Variants in GPD2 observed in about 807,000 individuals in gnomAD.
The protein encoded by GPD2 is glycerol-3-phosphate dehydrogenase, mitochondrial.
In GPD2, 54 loss-of-function variants were observed where a neutral mutation model predicts 82.4. The ratio of observed to expected loss-of-function variants is 0.66; its 90% confidence interval spans 0.53 to 0.82. GPD2 has a LOEUF of 0.82. Ranked by LOEUF, GPD2 falls within the 40% of genes least tolerant of loss-of-function variation. The probability of loss-of-function intolerance (pLI) is 0.00; values close to 1 mark genes in which losing one functional copy is unlikely to be tolerated. For synonymous variants in GPD2, 288 were observed against 306.1 expected (o/e 0.94, Z 0.62); for missense variants, 748 against 896.2 (o/e 0.83, Z 2.11).
rs529395719 is a variant in GPD2 at position 156,585,985 on chromosome 2, G to T, written c.*3067G>T. On this transcript the variant is annotated 3_prime_UTR_variant, in exon 17 of 17. Transcript: ENST00000438166. Reference sequence around the variant, plus strand: ...TGTTAAATACTATGTTTGAGGCTGGGTTGTCATTTTTATAACTGTCTTGGT... The same window carrying T: ...TGTTAAATACTATGTTTGAGGCTGGTTTGTCATTTTTATAACTGTCTTGGT... The T allele has an allele frequency of 5.9e-4, 90 of 152,258 alleles. No individual in the cohort carries two copies. Among genetic ancestry groups the T allele is most frequent in the Non-Finnish European group, 5.4e-4 (37 of 67,908 alleles). The allele number at this position is 152,258 out of a possible 1,614,324, so 9.4% of individuals were successfully genotyped here.
chr2:156,558,765 CTTTTTTTT>C (rs34524248), intron 9 of GPD2, among the ~76,000 whole-genome samples: 45 of 40,882 alleles, frequency 1.1e-3, no homozygotes, highest in African/African-American at 3.7e-3. Context: ...GCCCAGCTAA[CTTTTTTTT>C]TTTTTTTTTT....
chr2:156,523,165 A>T (rs1020961389), intron 6 of GPD2, among the ~76,000 whole-genome samples: 7 of 152,166 alleles, frequency 4.6e-5, no homozygotes, highest in Non-Finnish European at 7.3e-5. Context: ...TCTGATAAAT[A>T]TATAATGATA....
chr2:156,581,976 G>GTA (rs1019408378), intron 16 of GPD2, among the ~76,000 whole-genome samples: 41 of 151,598 alleles, frequency 2.7e-4, no homozygotes, highest in Admixed American at 3.3e-4. Flanking sequence ...TATATAATGT[G>GTA]TATATATATA....
the GPD2 span, among the ~76,000 whole-genome samples, chr2:156,407,426 T>C: frequency 1.9e-4 from 29 of 152,200 alleles, no homozygotes; most frequent in African/African-American, 7.0e-4. Flanking sequence ...AAAATTATCC[T>C]TCTTAGAACA....
intron 1 of GPD2, among the ~76,000 whole-genome samples, chr2:156,449,069 A>G (rs1166582497): frequency 6.6e-6 from 1 of 152,214 alleles, no homozygotes; most frequent in African/African-American, 2.4e-5. Flanking sequence ...TTCTTCTTAC[A>G]AAGATGTAAA....
At chr2:156,428,694 T>G in the GPD2 span, among the ~76,000 whole-genome samples, 1 of 152,216 alleles carries the variant, frequency 6.6e-6, no homozygotes, top group East Asian at 1.9e-4. Flanking sequence ...AAATTTCTCC[T>G]TGATGGATGT....
chr2:156,536,678 A>G (rs920707174), intron 6 of GPD2, among the ~76,000 whole-genome samples: 1 of 152,228 alleles, frequency 6.6e-6, no homozygotes, highest in Admixed American at 6.5e-5. Flanking sequence ...GAAGTAAACC[A>G]GCAACAAGTA....
At chr2:156,528,972 C>T (rs1685725226) in intron 6 of GPD2, among the ~76,000 whole-genome samples, 1 of 151,928 alleles carries the variant, frequency 6.6e-6, no homozygotes, top group Admixed American at 6.6e-5. Flanking sequence ...ATGGCTGGGA[C>T]AAATGGTATT....
chr2:156,467,581 G>C (rs1003265870), intron 1 of GPD2, among the ~76,000 whole-genome samples: 15 of 152,182 alleles, frequency 9.9e-5, no homozygotes, highest in Admixed American at 7.2e-4. Flanking sequence ...TAGAGAAAAG[G>C]CTAAAGAAGG....
At chr2:156,569,616 G>C in intron 11 of GPD2, 78 bp downstream of exon 11, 1 of 1,015,302 alleles carries the variant, frequency 9.8e-7, no homozygotes, top group Non-Finnish European at 1.6e-6. Flanking sequence ...GCAGCAATCA[G>C]GTCTCCCTGA....
In GPD2 at chr2:156,570,222, T is replaced by C; in HGVS notation, c.1608+4T>C. On this transcript the variant is annotated splice_donor_region_variant and intron_variant, in intron 12 of 16. Coordinates refer to ENST00000438166, the MANE Select transcript of GPD2 (RefSeq NM_000408.5). ...ATTTCCATATATTGAAGCAGAGGTA[T>C]GTGAATGGTCACATAGGAATTTCAT... 1.9e-6 allele frequency: 3 copies of C among 1,611,490 alleles called. No individual in the cohort carries two copies. The highest frequency in any genetic ancestry group is 2.5e-6 in the Non-Finnish European group (3 of 1,177,840).
intron 3 of GPD2, among the ~76,000 whole-genome samples, chr2:156,502,398 G>A (rs957281226): frequency 9.9e-5 from 15 of 151,916 alleles, no homozygotes; most frequent in Non-Finnish European, 2.1e-4. Flanking sequence ...AAACAGACAG[G>A]GTTTATCTCA....
At chr2:156,425,096 T>TG in the GPD2 span, among the ~76,000 whole-genome samples, 17 of 151,232 alleles carry the variant, frequency 1.1e-4, no homozygotes, top group East Asian at 1.9e-4. Flanking sequence ...TTTATTTTTT[T>TG]TTTTGTTTTT....
At chr2:156,495,702 C>A in intron 2 of GPD2, 1 of 402,342 alleles carries the variant, frequency 2.5e-6, no homozygotes, top group South Asian at 2.0e-5. Flanking sequence ...GTAAAAAAAT[C>A]TCCTTATGTT....
intron 1 of GPD2, among the ~76,000 whole-genome samples, chr2:156,452,364 C>G (rs1022848820): frequency 1.3e-5 from 2 of 152,228 alleles, no homozygotes; most frequent in African/African-American, 4.8e-5. Flanking sequence ...CCAGCCCGGC[C>G]AACACAGCAA....
intron 1 of GPD2, among the ~76,000 whole-genome samples, chr2:156,451,286 C>CG (rs990138669): frequency 1.4e-5 from 2 of 142,762 alleles, no homozygotes; most frequent in Non-Finnish European, 3.2e-5. Flanking sequence ...GCTGGCAGGG[C>CG]GGGGGGCTGA....
chr2:156,556,466 T>C (rs964061014), intron 8 of GPD2, among the ~76,000 whole-genome samples: 1 of 152,212 alleles, frequency 6.6e-6, no homozygotes, highest in African/African-American at 2.4e-5. Flanking sequence ...CATCAGCTTT[T>C]AGTGATTTAA....
intron 1 of GPD2, among the ~76,000 whole-genome samples, chr2:156,454,756 G>C (rs1176637865): frequency 6.6e-6 from 1 of 152,028 alleles, no homozygotes; most frequent in Non-Finnish European, 1.5e-5. Context: ...TGATGACTGA[G>C]GAAAAGAGGG....
intron 6 of GPD2, among the ~76,000 whole-genome samples, 155 bp downstream of exon 6, chr2:156,513,651 A>G (rs1038438857): frequency 2.6e-5 from 4 of 152,140 alleles, no homozygotes; most frequent in South Asian, 4.1e-4. Flanking sequence ...CATTTTCTCT[A>G]ACGGTGGCTG....
Sources: allele counts gnomAD v4.1 joint callset (sites outside exome capture counted in the v4.1 genomes callset), GRCh38; gene constraint gnomAD v4.1.1; transcripts MANE v1.5; gene names NCBI Gene and HGNC (gene_info 2026-07-23, HGNC 2026-07-21).